The following RASL10A variants were observed in gnomAD, a reference collection of about 807,000 sequenced individuals.
The protein encoded by RASL10A is RAS like family 10 member A, also known as ras-like protein family member 10A.
A neutral mutation model predicts 17.3 loss-of-function variants in RASL10A; 13 were observed. The observed-to-expected ratio is 0.75, with a 90% CI of 0.49 to 1.20. RASL10A has a LOEUF of 1.20. RASL10A is among the 50% of genes most tolerant of loss of function. The probability of loss-of-function intolerance (pLI) is 0.00; values close to 1 mark genes in which losing one functional copy is unlikely to be tolerated. For synonymous variants in RASL10A, 159 were observed against 142.2 expected (o/e 1.12, Z -0.84); for missense variants, 307 against 310.3 (o/e 0.99, Z 0.08).
chr22:29,314,722 T>A (rs2147911674), intron 1 of RASL10A, among the ~76,000 whole-genome samples: 1 of 151,470 alleles, frequency 6.6e-6, no homozygotes, highest in South Asian at 2.1e-4. Flanking sequence ...CGCCACACTC[T>A]CGGGAAGGCA....
Position 29,313,270 on chromosome 22 carries a change from TG to T in RASL10A, c.*30del. 1 of 1,457,686 alleles carries T rather than the reference TG, an allele frequency of 6.9e-7. No homozygotes were observed. Among genetic ancestry groups the T allele is most frequent in the Non-Finnish European group, 9.1e-7 (1 of 1,101,320 alleles). The allele number at this position is 1,457,686 out of a possible 1,614,324, so 90.3% of individuals were successfully genotyped here. A position where few individuals can be genotyped will look rare whatever the true frequency, so the allele number is the denominator to read the frequency against. On this transcript the variant is annotated 3_prime_UTR_variant, in exon 3 of 3. Transcript: ENST00000216101. ...GTCCCTGATTGTCCCAGTCACAAGG[TG>T]GGGCCCATGGATGGCACTGTCCGAT...
rs757664982 is a variant in RASL10A at position 29,313,522 on chromosome 22, G to A, written c.391C>T (p.Arg131Trp). The A allele has an allele frequency of 8.9e-6, 14 of 1,569,512 alleles. No homozygotes were observed. The highest frequency in any genetic ancestry group is 8.6e-7 in the Non-Finnish European group (1 of 1,166,008). The change falls in exon 3 of 3, where the codon CGG (arginine) becomes TGG (tryptophan). Residue 131 changes from arginine (R) to tryptophan (W), a missense_variant. Arg to Trp is a moderately radical substitution (Grantham distance 101). Coordinates refer to ENST00000216101, the MANE Select transcript of RASL10A (RefSeq NM_006477.5). Reference sequence around the variant, plus strand: ...CCGAAGCGCAGCCGCTGCCTGTCCCGCTTGTTGCCTACCACGAGGATGGGC... The same window carrying A: ...CCGAAGCGCAGCCGCTGCCTGTCCCACTTGTTGCCTACCACGAGGATGGGC... ...EAPILVVGNK[R>W]DRQRLRFGPR...
In RASL10A at chr22:29,312,941, T is replaced by G. The variant is rs1289811702; in HGVS notation, c.*360A>C. ...AGAAATCCCAGGCGCACTCAAATTA[T>G]TTTCCCTTTTATTATCCCGTGGTAG... On this transcript the variant is annotated 3_prime_UTR_variant, in exon 3 of 3. Transcript: ENST00000216101. 1.6e-5 allele frequency: 5 copies of G among 305,374 alleles called. No homozygotes were observed. The highest frequency in any genetic ancestry group is 1.8e-5 in the Non-Finnish European group (3 of 167,476). 18.9% of individuals were successfully genotyped at this position (305,374 alleles called of 1,614,324 possible). A position where few individuals can be genotyped will look rare whatever the true frequency, so the allele number is the denominator to read the frequency against.
Position 29,315,544 on chromosome 22 carries a change from C to G in RASL10A, c.-298G>C. On this transcript the variant is annotated 5_prime_UTR_variant, in exon 1 of 3. Coordinates refer to ENST00000216101, the MANE Select transcript of RASL10A (RefSeq NM_006477.5). The surrounding 1 kb of genome is among the most constrained non-coding windows in gnomAD (Gnocchi z 5.5). ...GCGGCGCTCAGACACCGCCTCCGCC[C>G]CGCAGCGCCAACCCAGGCGCCGGCG... The G allele has an allele frequency of 5.3e-6, 1 of 187,980 alleles. No individual in the cohort carries two copies. The highest frequency in any genetic ancestry group is 1.1e-5 in the Non-Finnish European group (1 of 92,154). 11.6% of individuals were successfully genotyped at this position (187,980 alleles called of 1,614,324 possible).
In RASL10A at chr22:29,315,309, C is replaced by T; in HGVS notation, c.-63G>A. The T allele has an allele frequency of 4.3e-6, 5 of 1,153,382 alleles. No homozygotes were observed. In the East Asian group the frequency reaches 9.9e-5, roughly 23 times the overall value. 71.4% of individuals were successfully genotyped at this position (1,153,382 alleles called of 1,614,324 possible). ...TCATGGGCCGGCGCCGCACCGTGCG[C>T]CCCCAGGCCGTGCGCCCCGCGCGCC... On this transcript the variant is annotated 5_prime_UTR_variant, in exon 1 of 3. Transcript: ENST00000216101. The surrounding 1 kb of genome is among the most constrained non-coding windows in gnomAD (Gnocchi z 5.5).
chr22:29,314,174 G>C, intron 1 of RASL10A, 187 bp from the exon 2 acceptor site: 1 of 694,936 alleles, frequency 1.4e-6, no homozygotes, highest in Non-Finnish European at 2.3e-6. Context: ...AATCGTGCCT[G>C]GAGCCTGTCA....
chr22:29,316,014 T>TG (rs918944578), upstream of RASL10A, among the ~76,000 whole-genome samples: 97 of 151,636 alleles, frequency 6.4e-4, no homozygotes, highest in South Asian at 3.8e-3. Flanking sequence ...GGGTCCGAAT[T>TG]GGGGGGGGCG....
Position 29,315,051 on chromosome 22 carries a change from CG to C in RASL10A, c.195del (p.Gly66AlafsTer39). 1.3e-6 allele frequency: 2 copies of C among 1,514,708 alleles called. No individual in the cohort carries two copies. Among genetic ancestry groups the C allele is most frequent in the Non-Finnish European group, 8.8e-7 (1 of 1,136,038 alleles). 93.8% of individuals were successfully genotyped at this position (1,514,708 alleles called of 1,614,324 possible). On this transcript the variant is annotated frameshift_variant, in exon 1 of 3. Coordinates refer to ENST00000216101, the MANE Select transcript of RASL10A (RefSeq NM_006477.5). LOFTEE classifies it high-confidence loss of function. This position sits in a 1 kb window ranked among gnomAD's most constrained non-coding sequence, Gnocchi z 5.5. Reference sequence around the variant, plus strand: ...ACCTCCGGACCCCCGGGGCTCGAGCCGGGGCCAGCGACGTCGCCGTCGCGGA... The same window carrying C: ...ACCTCCGGACCCCCGGGGCTCGAGCCGGGCCAGCGACGTCGCCGTCGCGGA... ...LSIRDGDVAG[P>X]GSSPGGPEEW... is the part of the protein sequence containing the mutation.
chr22:29,316,940 G>C (rs2147914130), upstream of RASL10A: 1 of 152,382 alleles, frequency 6.6e-6, no homozygotes, highest in East Asian at 1.9e-4. Context: ...ACCAGCCCAG[G>C]GGAAGTAGAG....
Position 29,315,368 on chromosome 22 carries a change from C to T in RASL10A, c.-122G>A, listed in dbSNP as rs2061447750. ...TGCGCCACGGCCCCGTCGCGCTTCT[C>T]GTCGCCCCTCGGAGCACCGAGACCG... On this transcript the variant is annotated 5_prime_UTR_variant, in exon 1 of 3. Transcript: ENST00000216101. The surrounding 1 kb of genome is among the most constrained non-coding windows in gnomAD (Gnocchi z 5.5). The T allele has an allele frequency of 1.8e-6, 1 of 568,416 alleles. No individual in the cohort carries two copies. The allele number at this position is 568,416 out of a possible 1,614,324, so 35.2% of individuals were successfully genotyped here.
At position 29,313,874 on chromosome 22, in the gene RASL10A, G is replaced by T; in HGVS notation, c.333C>A (p.Ile111=). Residue 111 remains isoleucine, a synonymous_variant, in exon 2 of 3, where the codon ATC becomes ATA. Transcript: ENST00000216101. The part of the protein sequence containing the change: ...FDYVKALRQR[I]AETRPAGAPE... ...TGCCGGGCCCCTACCTGGTCTCCGC[G>T]ATGCGCTGCCGCAGGGCCTTCACGT... The T allele has an allele frequency of 6.2e-7, 1 of 1,613,594 alleles. No homozygotes were observed. Among genetic ancestry groups the T allele is most frequent in the Non-Finnish European group, 8.5e-7 (1 of 1,180,034 alleles).
rs1234896726 is a variant in RASL10A, at chr22:29,313,387, G to A, written c.526C>T (p.Arg176Cys). 1.3e-6 allele frequency: 2 copies of A among 1,543,336 alleles called. No individual in the cohort carries two copies. Among genetic ancestry groups the A allele is most frequent in the South Asian group, 1.2e-5 (1 of 84,004 alleles). Residue 176 changes from arginine (R) to cysteine (C), a missense_variant, in exon 3 of 3, where the codon CGC becomes TGC. Coordinates refer to ENST00000216101, the MANE Select transcript of RASL10A (RefSeq NM_006477.5). ...HVLRLFRELL[R>C]CALVRARPAH... ...GGGCGCGCGCGCACCAGAGCGCAGCGCAGCAGCTCGCGGAAGAGACGCAGC... is the reference window on the plus strand; with the variant it reads ...GGGCGCGCGCGCACCAGAGCGCAGCACAGCAGCTCGCGGAAGAGACGCAGC...
chr22:29,315,226 C>T lies in RASL10A; in HGVS notation c.21G>A (p.Val7=), dbSNP rs2061446221. 1 of 1,513,690 alleles carries T rather than the reference C, an allele frequency of 6.6e-7. No individual in the cohort carries two copies. 93.8% of individuals were successfully genotyped at this position (1,513,690 alleles called of 1,614,324 possible). Residue 7 remains valine (V), a synonymous_variant, in exon 1 of 3, where the codon GTG becomes GTA. Coordinates refer to ENST00000216101, the MANE Select transcript of RASL10A (RefSeq NM_006477.5). The surrounding 1 kb of genome is among the most constrained non-coding windows in gnomAD (Gnocchi z 5.5). The part of the protein sequence containing the change: MGGSLR[V]AVLGAPGVGK... ...CCACGCCCGGGGCGCCTAGAACGGCCACCCGCAGGCTACCCCCCATGGCCG... is the reference window on the plus strand; with the variant it reads ...CCACGCCCGGGGCGCCTAGAACGGCTACCCGCAGGCTACCCCCCATGGCCG...
rs752370048 is a variant in RASL10A at position 29,315,018 on chromosome 22, G to A, written c.219+10C>T. On this transcript the variant is annotated intron_variant, in intron 1 of 2. Coordinates refer to ENST00000216101, the MANE Select transcript of RASL10A (RefSeq NM_006477.5). This position sits in a 1 kb window ranked among gnomAD's most constrained non-coding sequence, Gnocchi z 5.5. Reference sequence around the variant, plus strand: ...TGTCACACGCCCCTGCCCGCTCCTCGAGCCGCTACCTCCGGACCCCCGGGG... The same window carrying A: ...TGTCACACGCCCCTGCCCGCTCCTCAAGCCGCTACCTCCGGACCCCCGGGG... 51 of 1,492,002 alleles carry A rather than the reference G, an allele frequency of 3.4e-5. No individual in the cohort carries two copies. In the South Asian group the frequency reaches 4.4e-4, roughly 13 times the overall value. The allele number at this position is 1,492,002 out of a possible 1,614,324, so 92.4% of individuals were successfully genotyped here. A position where few individuals can be genotyped will look rare whatever the true frequency, so the allele number is the denominator to read the frequency against.
At chr22:29,317,906 G>A (rs181690985), upstream of RASL10A, among the ~76,000 whole-genome samples, 46 of 151,954 alleles carry the variant, frequency 3.0e-4, no homozygotes, top group African/African-American at 1.1e-3. Context: ...GGCTGGTCTC[G>A]AACTGCTGAC....
chr22:29,313,961 G>T lies in RASL10A; in HGVS notation c.246C>A (p.Ser82Arg). 2 of 1,613,812 alleles carry T rather than the reference G, an allele frequency of 1.2e-6. No individual in the cohort carries two copies. The highest frequency in any genetic ancestry group is 1.7e-6 in the Non-Finnish European group (2 of 1,180,032). The change falls in exon 2 of 3, where the codon AGC becomes AGA. Residue 82 changes from serine (S) to arginine (R), a missense_variant. Physicochemically the swap from Ser to Arg is moderately radical, Grantham distance 110 (BLOSUM62 -1). Coordinates refer to ENST00000216101, the MANE Select transcript of RASL10A (RefSeq NM_006477.5). ...GCACGAAGGCGTCCGTGTCCTGCAAGCTCCAGTCCTTAGCGTCTGGCCACT... is the reference window on the plus strand; with the variant it reads ...GCACGAAGGCGTCCGTGTCCTGCAATCTCCAGTCCTTAGCGTCTGGCCACT... ...PEEWPDAKDW[S>R]LQDTDAFVLV...
In RASL10A at chr22:29,313,331, C is replaced by T; in HGVS notation, c.582G>A (p.Ala194=). The T allele has an allele frequency of 6.5e-7, 1 of 1,531,272 alleles. No homozygotes were observed. Among genetic ancestry groups the T allele is most frequent in the African/African-American group, 1.4e-5 (1 of 72,432 alleles). 94.9% of individuals were successfully genotyped at this position (1,531,272 alleles called of 1,614,324 possible). The change falls in exon 3 of 3, where the codon GCG becomes GCA. Residue 194 remains alanine (A), a synonymous_variant. Coordinates refer to ENST00000216101, the MANE Select transcript of RASL10A (RefSeq NM_006477.5). ...PAHPALRLQG[A]LHPARCSLM Reference sequence around the variant, plus strand: ...TGAGGCTGCAGCGCGCGGGATGCAGCGCCCCCTGCAGGCGCAGGGCCGGGT... The same window carrying T: ...TGAGGCTGCAGCGCGCGGGATGCAGTGCCCCCTGCAGGCGCAGGGCCGGGT...
chr22:29,317,272 T>G (rs1602665587), upstream of RASL10A: 1 of 152,338 alleles, frequency 6.6e-6, no homozygotes, highest in African/African-American at 2.4e-5. Flanking sequence ...GGTCTTGCTC[T>G]GTCACCCAAG....
rs1193762357 is a variant in RASL10A at position 29,315,323 on chromosome 22, G to A, written c.-77C>T. The stretch of plus-strand genomic sequence containing the variant: ...CGCACCGTGCGCCCCCAGGCCGTGC[G>A]CCCCGCGCGCCCTGCCCGGTGCGCC... On this transcript the variant is annotated 5_prime_UTR_variant, in exon 1 of 3. Coordinates refer to ENST00000216101, the MANE Select transcript of RASL10A (RefSeq NM_006477.5). The surrounding 1 kb of genome is among the most constrained non-coding windows in gnomAD (Gnocchi z 5.5). The A allele has an allele frequency of 7.0e-6, 7 of 998,720 alleles. No individual in the cohort carries two copies. Among genetic ancestry groups the A allele is most frequent in the Non-Finnish European group, 9.0e-6 (7 of 781,084 alleles). 61.9% of individuals were successfully genotyped at this position (998,720 alleles called of 1,614,324 possible). A position where few individuals can be genotyped will look rare whatever the true frequency, so the allele number is the denominator to read the frequency against.
Sources: gnomAD v4.1 joint callset for allele counts (sites outside exome capture counted in the v4.1 genomes callset) on GRCh38, gnomAD v4.1.1 for gene constraint, Gnocchi (gnomAD v3.1) non-coding constraint, MANE v1.5 for transcripts, NCBI Gene and HGNC (gene_info 2026-07-23, HGNC 2026-07-21) for gene names.